Variants in CECR2 observed in about 807,000 individuals in gnomAD.
CECR2 encodes chromatin remodeling regulator CECR2.
Under a neutral mutation model 154.5 loss-of-function variants are expected in CECR2, and 30 were observed. The observed-to-expected ratio is 0.19, with a 90% CI of 0.15 to 0.26. The LOEUF is 0.26. Ranked by LOEUF, CECR2 falls within the 10% of genes least tolerant of loss-of-function variation. The pLI is 1.00. For missense variants in CECR2, 1,743 were observed against 1,829.3 expected (o/e 0.95, Z 0.86); for synonymous variants, 725 against 683.7 (o/e 1.06, Z -0.94).
chr22:17,408,173 C>T lies in CECR2; in HGVS notation c.126+38264C>T, dbSNP rs533998282. ...ATCTAGTTCCAAGACGTTTTTATCA[C>T]CTCAAAAGGAGAGACCCTGTACCCC... On this transcript the variant is annotated intron_variant, in intron 1 of 18. Transcript: ENST00000262608. Among the ~76,000 whole-genome samples, 272 of 152,098 alleles carry T rather than the reference C, an allele frequency of 1.8e-3. 1 individual carries two copies. The highest frequency in any genetic ancestry group is 6.2e-3 in the African/African-American group (256 of 41,502).
At chr22:17,546,485 CAA>C (rs35754406) in intron 16 of CECR2, among the ~76,000 whole-genome samples, 17 of 67,628 alleles carry the variant, frequency 2.5e-4, no homozygotes, top group Admixed American at 3.4e-4. Flanking sequence ...GACTCTGTCT[CAA>C]AAAAAAAAAA....
intron 2 of CECR2, among the ~76,000 whole-genome samples, chr22:17,486,526 G>A (rs745839619): frequency 6.6e-6 from 1 of 152,160 alleles, no homozygotes; most frequent in Non-Finnish European, 1.5e-5. Context: ...TGGATGAAGC[G>A]TCAGCCACTG....
At chr22:17,549,785 T>TTTTG (rs2056679164) in intron 17 of CECR2, among the ~76,000 whole-genome samples, 1 of 135,116 alleles carries the variant, frequency 7.4e-6, no homozygotes, top group African/African-American at 2.9e-5. Context: ...AACTTTTTGG[T>TTTTG]TTTTTTTTTT....
intron 1 of CECR2, among the ~76,000 whole-genome samples, chr22:17,449,768 C>T (rs1484874969): frequency 1.3e-5 from 2 of 152,174 alleles, no homozygotes; most frequent in Non-Finnish European, 2.9e-5. Context: ...GGATTACAGG[C>T]GTGAGCCACC....
intron 1 of CECR2, among the ~76,000 whole-genome samples, chr22:17,455,564 T>C (rs988907699): frequency 7.2e-5 from 11 of 152,262 alleles, no homozygotes; most frequent in South Asian, 6.2e-4. Flanking sequence ...TAGGTATCCA[T>C]TGATGTGTAT....
At chr22:17,519,794 C>CTT (rs695788) in intron 8 of CECR2, among the ~76,000 whole-genome samples, 8 of 137,996 alleles carry the variant, frequency 5.8e-5, no homozygotes, top group African/African-American at 1.1e-4. Context: ...ATTATCAAGT[C>CTT]TTTTTTTTTT....
At chr22:17,522,326 T>C (rs1365705921) in intron 8 of CECR2, among the ~76,000 whole-genome samples, 1 of 152,242 alleles carries the variant, frequency 6.6e-6, no homozygotes, top group Non-Finnish European at 1.5e-5. Flanking sequence ...GTAAAGATGT[T>C]GCTGGAACAA....
chr22:17,486,002 C>G (rs1039876355), intron 2 of CECR2, among the ~76,000 whole-genome samples: 1 of 152,034 alleles, frequency 6.6e-6, no homozygotes, highest in Non-Finnish European at 1.5e-5. Context: ...GTTTTGAAGA[C>G]GAGATCTCAC....
intron 1 of CECR2, among the ~76,000 whole-genome samples, chr22:17,433,882 C>T (rs975329455): frequency 6.6e-6 from 1 of 152,092 alleles, no homozygotes; most frequent in African/African-American, 2.4e-5. Context: ...TTTTGCAATA[C>T]ACAACCTGTT....
chr22:17,445,653 T>G (rs892038771), intron 1 of CECR2, among the ~76,000 whole-genome samples: 2 of 151,576 alleles, frequency 1.3e-5, no homozygotes, highest in Non-Finnish European at 2.9e-5. Context: ...CTTGGCTGAC[T>G]GCAATCTTGG....
At chr22:17,363,048 C>CTTT (rs60742428) in intron 1 of CECR2, among the ~76,000 whole-genome samples, 6 of 144,738 alleles carry the variant, frequency 4.1e-5, no homozygotes, top group African/African-American at 5.1e-5. Context: ...TTTCCTTCTT[C>CTTT]TTTTTTTTTT....
intron 1 of CECR2, among the ~76,000 whole-genome samples, chr22:17,410,348 C>T (rs1490877927): frequency 6.6e-6 from 1 of 152,136 alleles, no homozygotes; most frequent in Non-Finnish European, 1.5e-5. Context: ...TAGCGTAAGC[C>T]TTGTCAGGAT....
Position 17,498,197 on chromosome 22 carries a change from T to C in CECR2, c.405+611T>C, listed in dbSNP as rs375965522. Among the ~76,000 whole-genome samples, 8 of 152,266 alleles carry C rather than the reference T, an allele frequency of 5.3e-5. No individual in the cohort carries two copies. In the South Asian group the frequency reaches 1.7e-3, roughly 32 times the overall value. On this transcript the variant is annotated intron_variant, in intron 3 of 18. Transcript: ENST00000262608. The stretch of plus-strand genomic sequence containing the variant: ...CGAAGTCAGGAGATCGAGACCATCC[T>C]GGCTAACACGGTGAAATCCCGTCTC...
At chr22:17,503,353 C>G (rs2055775015) in intron 6 of CECR2, among the ~76,000 whole-genome samples, 1 of 152,106 alleles carries the variant, frequency 6.6e-6, no homozygotes, top group Non-Finnish European at 1.5e-5. Flanking sequence ...TCACTAGTGC[C>G]CTGTTTACTG....
chr22:17,484,282 T>C (rs762101412), intron 2 of CECR2, among the ~76,000 whole-genome samples: 19 of 152,194 alleles, frequency 1.2e-4, no homozygotes, highest in Admixed American at 7.9e-4. Context: ...CTCAAACTTC[T>C]AGATTCAAGC....
chr22:17,481,049 T>TAAAAAAAAAAAAAAAAAAAAAAAAAA lies in CECR2; in HGVS notation c.221+3379_221+3380insAAAAAAAAAAAAAAAAAAAAAAAAAA, dbSNP rs572712907. Reference sequence around the variant, plus strand: ...AGTGAGACTCCATCTCTTTTTTTTTTAAAAAAAAAAAAGGCCGGGCACGGT... The same window carrying TAAAAAAAAAAAAAAAAAAAAAAAAAA: ...AGTGAGACTCCATCTCTTTTTTTTTTAAAAAAAAAAAAAAAAAAAAAAAAAAAAAAAAAAAAAAGGCCGGGCACGGT... On this transcript the variant is annotated intron_variant, in intron 2 of 18. Coordinates refer to ENST00000262608, the MANE Select transcript of CECR2 (RefSeq NM_001290047.2). 4.9e-4 allele frequency among the ~76,000 whole-genome samples: 45 copies of TAAAAAAAAAAAAAAAAAAAAAAAAAA among 92,064 alleles called. 5 individuals are homozygous for TAAAAAAAAAAAAAAAAAAAAAAAAAA. The highest frequency in any genetic ancestry group is 6.7e-4 in the Non-Finnish European group (28 of 41,704). 60.4% of individuals were successfully genotyped at this position (92,064 alleles called of 152,430 possible).
chr22:17,386,363 T>TA (rs148724683), intron 1 of CECR2, among the ~76,000 whole-genome samples: 13,831 of 151,512 alleles, frequency 0.091, 681 homozygotes, highest in East Asian at 0.17. Context: ...AAGGGCGTTT[T>TA]AAAAAAAAAC....
chr22:17,548,310 G>C lies in CECR2; in HGVS notation c.3023G>C (p.Ser1008Thr), dbSNP rs1302957898. Residue 1008 changes from serine to threonine, a missense_variant, in exon 17 of 19, where the codon AGC (serine) becomes ACC (threonine). Physicochemically the swap from Ser to Thr is moderately conservative, Grantham distance 58. This residue lies in a region of CECR2 where 1,250 missense variants were observed against 1,192.1 expected (regional missense o/e 1.05). Coordinates refer to ENST00000262608, the MANE Select transcript of CECR2 (RefSeq NM_001290047.2). ...ACAGTGGGCCCGGAGCTCAAAAGCA[G>C]CTCCTCCGAATCTGCGGACAACTGT... Reference protein sequence around the residue: ...RETVGPELKSSSSESADNCKA... With the variant: ...RETVGPELKSTSSESADNCKA... The C allele has an allele frequency of 1.2e-6, 2 of 1,610,532 alleles. No individual in the cohort carries two copies. The highest frequency in any genetic ancestry group is 1.7e-6 in the Non-Finnish European group (2 of 1,178,372).
chr22:17,449,357 C>T (rs2054729453), intron 1 of CECR2, among the ~76,000 whole-genome samples: 1 of 152,204 alleles, frequency 6.6e-6, no homozygotes, highest in African/African-American at 2.4e-5. Context: ...AACCCAGACT[C>T]ACACACCAGC....
Sources: allele counts gnomAD v4.1 joint callset (sites outside exome capture counted in the v4.1 genomes callset), GRCh38; gene constraint gnomAD v4.1.1; regional missense constraint gnomAD v4.1.1; transcripts MANE v1.5; gene names NCBI Gene and HGNC (gene_info 2026-07-23, HGNC 2026-07-21).